The following ZFPM1 variants were observed in gnomAD, a reference collection of about 807,000 sequenced individuals.
ZFPM1 encodes the protein zinc finger protein, FOG family member 1, also known as zinc finger protein ZFPM1.
A neutral mutation model predicts 46.3 loss-of-function variants in ZFPM1; 28 were observed. The observed-to-expected ratio is 0.60, with a 90% CI of 0.45 to 0.83. The LOEUF is 0.83. Among genes scored for constraint, ZFPM1 ranks in the 40% least tolerant of loss-of-function variants. The pLI is 0.00. For synonymous variants in ZFPM1, 957 were observed against 675.9 expected, an observed-to-expected ratio of 1.42 and a Z score of -6.45; for missense variants, 1,878 against 1,432.4, an observed-to-expected ratio of 1.31 and a Z score of -5.02.
intron 3 of ZFPM1, among the ~76,000 whole-genome samples, chr16:88,500,072 A>G (rs898023055): frequency 2.0e-5 from 3 of 152,194 alleles, no homozygotes; most frequent in Non-Finnish European, 4.4e-5. Flanking sequence ...TCTCGGCCGC[A>G]GGCGCTAATC....
chr16:88,474,790 T>G (rs933769165), intron 1 of ZFPM1, among the ~76,000 whole-genome samples: 68 of 152,232 alleles, frequency 4.5e-4, no homozygotes, highest in African/African-American at 1.3e-3. Flanking sequence ...TTAACGCCCC[T>G]GCTGCAGAAC....
intron 3 of ZFPM1, among the ~76,000 whole-genome samples, chr16:88,504,681 G>C (rs979057099): frequency 6.6e-5 from 10 of 152,172 alleles, no homozygotes; most frequent in African/African-American, 2.4e-4. Flanking sequence ...CGCTCTGCCT[G>C]CCAGTCCAGC....
In ZFPM1 at chr16:88,489,028, C is replaced by A; in HGVS notation, c.146-3C>A. 6.2e-7 allele frequency: 1 copy of A among 1,611,786 alleles called. No individual in the cohort carries two copies. Among genetic ancestry groups the A allele is most frequent in the African/African-American group, 1.3e-5 (1 of 74,990 alleles). ...GGATGTGACGGTGTTTTCCTCTCTG[C>A]AGATGTTAACTCACCCCCACCGCTG... On this transcript the variant is annotated splice_polypyrimidine_tract_variant and splice_region_variant and intron_variant, in intron 2 of 9. Coordinates refer to ENST00000319555, the MANE Select transcript of ZFPM1 (RefSeq NM_153813.3).
chr16:88,502,182 A>G (rs1244349836), intron 3 of ZFPM1, among the ~76,000 whole-genome samples: 1 of 151,814 alleles, frequency 6.6e-6, no homozygotes, highest in Middle Eastern at 3.2e-3. Flanking sequence ...CCGTGGACGC[A>G]GCTGATAAGA....
chr16:88,485,333 G>A (rs538392930), intron 1 of ZFPM1, among the ~76,000 whole-genome samples: 9 of 152,284 alleles, frequency 5.9e-5, no homozygotes, highest in East Asian at 5.8e-4. Flanking sequence ...AGTGGAATCC[G>A]TGGGCGTGGT....
rs1398039359 is a variant in ZFPM1, at chr16:88,488,916, G to A, written c.146-115G>A. The A allele has an allele frequency of 2.4e-5, 36 of 1,472,842 alleles. 1 individual carries two copies. In the East Asian group the frequency reaches 8.2e-4, roughly 33 times the overall value. The allele number at this position is 1,472,842 out of a possible 1,614,324, so 91.2% of individuals were successfully genotyped here. On this transcript the variant is annotated intron_variant, in intron 2 of 9. Coordinates refer to ENST00000319555, the MANE Select transcript of ZFPM1 (RefSeq NM_153813.3). ...CGCACCAGGAGATGGGGGTGGCTCT[G>A]GGCCCGAGCTCCCCAACCCGGCGCC...
intron 1 of ZFPM1, among the ~76,000 whole-genome samples, chr16:88,456,216 C>T (rs1467165507): frequency 6.6e-6 from 1 of 152,230 alleles, no homozygotes; most frequent in African/African-American, 2.4e-5. Context: ...ACTGGCTTTG[C>T]CCCGGCCAGG....
intron 1 of ZFPM1, among the ~76,000 whole-genome samples, chr16:88,482,819 G>A (rs1394405109): frequency 1.3e-5 from 2 of 152,194 alleles, no homozygotes; most frequent in African/African-American, 2.4e-5. Flanking sequence ...CCTCTAGAAG[G>A]GGGAGGAGCC....
At chr16:88,478,440 A>G (rs1908781302) in intron 1 of ZFPM1, among the ~76,000 whole-genome samples, 2 of 152,190 alleles carry the variant, frequency 1.3e-5, no homozygotes, top group East Asian at 1.9e-4. Context: ...CTTCATCTCC[A>G]TCAGCGTCTG....
In ZFPM1 at chr16:88,534,391, G is replaced by C. The variant is rs767562045; in HGVS notation, c.2433G>C (p.Pro811=). The C allele has an allele frequency of 2.0e-6, 3 of 1,466,504 alleles. No individual in the cohort carries two copies. Among genetic ancestry groups the C allele is most frequent in the Non-Finnish European group, 1.8e-6 (2 of 1,114,846 alleles). The allele number at this position is 1,466,504 out of a possible 1,614,324, so 90.8% of individuals were successfully genotyped here. A position where few individuals can be genotyped will look rare whatever the true frequency, so the allele number is the denominator to read the frequency against. The stretch of plus-strand genomic sequence containing the variant: ...GCCCGCTCCCCGGAGCCCCGGCACC[G>C]GCGCTGGCCGACTACCACGAGTGCA... ...PRRPLPGAPA[P]ALADYHECTA... is the part of the protein sequence containing the mutation. The change falls in exon 10 of 10, where the codon CCG becomes CCC. Residue 811 remains proline, a synonymous_variant. Transcript: ENST00000319555.
At chr16:88,468,587 C>T (rs1287845664) in intron 1 of ZFPM1, among the ~76,000 whole-genome samples, 1 of 152,126 alleles carries the variant, frequency 6.6e-6, no homozygotes, top group East Asian at 1.9e-4. Flanking sequence ...GGAGAGCCTG[C>T]ACTGTAACTG....
chr16:88,521,265 A>C (rs1911862610), intron 4 of ZFPM1, among the ~76,000 whole-genome samples: 1 of 142,404 alleles, frequency 7.0e-6, no homozygotes, highest in Non-Finnish European at 1.5e-5. Flanking sequence ...CCGTGCTGTG[A>C]AAACTAAAGG....
At chr16:88,489,456 T>G in intron 3 of ZFPM1, 1 of 335,774 alleles carries the variant, frequency 3.0e-6, no homozygotes, top group Non-Finnish European at 5.4e-6. Flanking sequence ...TAAAGAATCC[T>G]CAGAGGCAGG....
Position 88,480,777 on chromosome 16 carries a change from C to T in ZFPM1, c.41-5162C>T, listed in dbSNP as rs1032219394. On this transcript the variant is annotated intron_variant, in intron 1 of 9. Coordinates refer to ENST00000319555, the MANE Select transcript of ZFPM1 (RefSeq NM_153813.3). The surrounding 1 kb of genome is among the most constrained non-coding windows in gnomAD (Gnocchi z 4.9). ...ACTCCTCATCCACAGCCCCCATCTG[C>T]GCCCCACCTGGCATGTCCACCCTGG... 2.2e-4 allele frequency among the ~76,000 whole-genome samples: 34 copies of T among 152,364 alleles called. No individual in the cohort carries two copies. The highest frequency in any genetic ancestry group is 7.9e-4 in the African/African-American group (33 of 41,584).
intron 3 of ZFPM1, among the ~76,000 whole-genome samples, chr16:88,499,189 G>A (rs1378607638): frequency 6.6e-6 from 1 of 152,082 alleles, no homozygotes; most frequent in African/African-American, 2.4e-5. Flanking sequence ...TACAGAAGCC[G>A]CCTCCTGAAC....
At chr16:88,453,838 C>A (rs1437917839) in intron 1 of ZFPM1, among the ~76,000 whole-genome samples, 160 bp downstream of exon 1, 1 of 151,686 alleles carries the variant, frequency 6.6e-6, no homozygotes, top group Non-Finnish European at 1.5e-5. Flanking sequence ...GTAATCTAAT[C>A]TCCGCCGGCG....
intron 3 of ZFPM1, among the ~76,000 whole-genome samples, chr16:88,502,657 C>T (rs945689504): frequency 3.3e-5 from 5 of 152,256 alleles, no homozygotes; most frequent in Admixed American, 6.5e-5. Flanking sequence ...CGGAGCCACC[C>T]GGTCCGGGCT....
At chr16:88,478,298 G>A (rs947269013) in intron 1 of ZFPM1, among the ~76,000 whole-genome samples, 3 of 152,216 alleles carry the variant, frequency 2.0e-5, no homozygotes, top group Non-Finnish European at 4.4e-5. Flanking sequence ...ACCGGCATCC[G>A]CTTTTGTGGT....
intron 6 of ZFPM1, among the ~76,000 whole-genome samples, chr16:88,530,269 A>G (rs1187801817): frequency 6.6e-6 from 1 of 152,146 alleles, no homozygotes. Flanking sequence ...TTGCCCACAC[A>G]GCCTGCGGAG....
Sources: allele counts gnomAD v4.1 joint callset (sites outside exome capture counted in the v4.1 genomes callset), GRCh38; gene constraint gnomAD v4.1.1; non-coding constraint Gnocchi (gnomAD v3.1); transcripts MANE v1.5; gene names NCBI Gene and HGNC (gene_info 2026-07-23, HGNC 2026-07-21).